KPNA3: variants seen among roughly 807,000 people sequenced by gnomAD.
KPNA3 encodes the protein karyopherin subunit alpha 3.
In KPNA3, 13 loss-of-function variants were observed where a neutral mutation model predicts 73.8. The ratio of observed to expected loss-of-function variants is 0.18; its 90% confidence interval spans 0.11 to 0.28. The LOEUF (loss-of-function observed/expected upper bound fraction) is 0.28. Ranked by LOEUF, KPNA3 falls within the 10% of genes least tolerant of loss-of-function variation. KPNA3 has a pLI of 1.00. For missense variants in KPNA3, 360 were observed against 618.1 expected (o/e 0.58, Z 4.43); for synonymous variants, 186 against 206.9 (o/e 0.90, Z 0.87).
intron 1 of KPNA3, among the ~76,000 whole-genome samples, chr13:49,774,881 A>G (rs1277593065): frequency 6.6e-6 from 1 of 152,138 alleles, no homozygotes; most frequent in East Asian, 1.9e-4. Flanking sequence ...TCGGCCAGGC[A>G]TGGTGGCTCA....
Position 49,706,389 on chromosome 13 carries a change from T to C in KPNA3, c.1033-17A>G. The C allele has an allele frequency of 6.4e-7, 1 of 1,551,668 alleles. No homozygotes were observed. Among genetic ancestry groups the C allele is most frequent in the South Asian group, 1.1e-5 (1 of 88,256 alleles). On this transcript the variant is annotated splice_polypyrimidine_tract_variant and intron_variant, in intron 12 of 16. Transcript: ENST00000261667. ...CACTGCTTCCTATAATTGAACAAAA[T>C]ATAGGGCACCTTTATTTGAAAAATA...
chr13:49,702,003 T>A, intron 16 of KPNA3, 105 bp from the exon 17 acceptor site: 2 of 689,126 alleles, frequency 2.9e-6, no homozygotes, highest in Middle Eastern at 4.1e-4. Flanking sequence ...ATGTGAATGC[T>A]TTAACCAACT....
chr13:49,767,956 T>C (rs1285699197), intron 1 of KPNA3, among the ~76,000 whole-genome samples: 2 of 152,156 alleles, frequency 1.3e-5, no homozygotes, highest in Non-Finnish European at 2.9e-5. Flanking sequence ...AAAATGTACA[T>C]ATCACTATTA....
At chr13:49,791,314 G>C (rs1296313603) in intron 1 of KPNA3, among the ~76,000 whole-genome samples, 1 of 152,290 alleles carries the variant, frequency 6.6e-6, no homozygotes, top group South Asian at 2.1e-4. Context: ...TAGCAAAGAA[G>C]GCTGCGGCCT....
intron 15 of KPNA3, among the ~76,000 whole-genome samples, chr13:49,703,030 G>A (rs775948044): frequency 1.3e-5 from 2 of 151,250 alleles, no homozygotes; most frequent in Non-Finnish European, 2.9e-5. Flanking sequence ...CACCACACCC[G>A]GCTAAGTTTT....
At chr13:49,745,320 C>T (rs1467991167) in intron 2 of KPNA3, among the ~76,000 whole-genome samples, 1 of 151,912 alleles carries the variant, frequency 6.6e-6, no homozygotes, top group Non-Finnish European at 1.5e-5. Context: ...AGAATCAAGA[C>T]CTCCTTCCTT....
In KPNA3 at chr13:49,700,471, CAAAAGCAAT is replaced by C. The variant is rs1381977741; in HGVS notation, c.*1320_*1328del. 1 of 152,484 alleles carries C rather than the reference CAAAAGCAAT, an allele frequency of 6.6e-6. No homozygotes were observed. Among genetic ancestry groups the C allele is most frequent in the Non-Finnish European group, 1.5e-5 (1 of 68,000 alleles). The allele number at this position is 152,484 out of a possible 1,614,324, so 9.4% of individuals were successfully genotyped here. ...TTAATAACTGGGTCAGACAATTTAC[CAAAAGCAAT>C]AACTTGACATAGTAATACCGGATTT... On this transcript the variant is annotated 3_prime_UTR_variant, in exon 17 of 17. Transcript: ENST00000261667.
chr13:49,768,082 A>G (rs1217389410), intron 1 of KPNA3, among the ~76,000 whole-genome samples: 1 of 152,136 alleles, frequency 6.6e-6, no homozygotes, highest in African/African-American at 2.4e-5. Flanking sequence ...GTTTGAGATC[A>G]GCCTGCCCAA....
intron 1 of KPNA3, among the ~76,000 whole-genome samples, chr13:49,780,013 C>T (rs1435132895): frequency 2.0e-5 from 3 of 152,102 alleles, no homozygotes; most frequent in African/African-American, 4.8e-5. Context: ...ATTTTCACCT[C>T]TTCTCCTAAT....
chr13:49,750,255 T>G (rs1439567634), intron 1 of KPNA3, among the ~76,000 whole-genome samples: 2 of 152,198 alleles, frequency 1.3e-5, no homozygotes, highest in African/African-American at 4.8e-5. Flanking sequence ...TTTTTACATT[T>G]TTTAAGTGGT....
intron 6 of KPNA3, among the ~76,000 whole-genome samples, chr13:49,726,363 A>G (rs1051720956): frequency 4.6e-5 from 7 of 152,230 alleles, no homozygotes; most frequent in African/African-American, 1.7e-4. Context: ...TAGCTTTTCA[A>G]AGATGGATTT....
chr13:49,741,456 CT>C (rs1190219673), intron 2 of KPNA3, among the ~76,000 whole-genome samples: 3,349 of 139,484 alleles, frequency 0.024, 98 homozygotes, highest in African/African-American at 0.077. Flanking sequence ...CTCTTTTGCC[CT>C]TTTTTTTTTT....
chr13:49,751,089 A>T (rs1954658905), intron 1 of KPNA3, among the ~76,000 whole-genome samples: 1 of 152,212 alleles, frequency 6.6e-6, no homozygotes, highest in Non-Finnish European at 1.5e-5. Context: ...CTCCCAAAAG[A>T]ATTAAAATAT....
intron 1 of KPNA3, among the ~76,000 whole-genome samples, chr13:49,771,525 C>T (rs1175552373): frequency 6.6e-6 from 1 of 152,156 alleles, no homozygotes; most frequent in African/African-American, 2.4e-5. Flanking sequence ...GCGCAATCAC[C>T]ATTCACTGCA....
At chr13:49,733,669 G>A (rs188617242) in intron 2 of KPNA3, among the ~76,000 whole-genome samples, 56 of 152,268 alleles carry the variant, frequency 3.7e-4, no homozygotes, top group Admixed American at 1.4e-3. Context: ...ATCCAGTCCC[G>A]CACTGACTGT....
At chr13:49,784,149 T>C (rs567664704) in intron 1 of KPNA3, among the ~76,000 whole-genome samples, 1 of 152,256 alleles carries the variant, frequency 6.6e-6, no homozygotes, top group Non-Finnish European at 1.5e-5. Flanking sequence ...CTCAAGACGC[T>C]GAGGCAGGAG....
intron 1 of KPNA3, among the ~76,000 whole-genome samples, chr13:49,758,020 G>C (rs1954726225): frequency 6.6e-6 from 1 of 151,840 alleles, no homozygotes; most frequent in Non-Finnish European, 1.5e-5. Flanking sequence ...AAATTTTAAA[G>C]GATATACATC....
At chr13:49,762,353 G>A (rs137855018) in intron 1 of KPNA3, among the ~76,000 whole-genome samples, 3,768 of 152,278 alleles carry the variant, frequency 0.025, 67 homozygotes, top group African/African-American at 0.039. Context: ...CCACCACTCC[G>A]TCTGGGAAGT....
chr13:49,781,978 G>A (rs1479645685), intron 1 of KPNA3, among the ~76,000 whole-genome samples: 1 of 152,176 alleles, frequency 6.6e-6, no homozygotes, highest in Non-Finnish European at 1.5e-5. Flanking sequence ...TAGCCGGCAG[G>A]AATTAACGGA....
Sources: allele counts gnomAD v4.1 joint callset (sites outside exome capture counted in the v4.1 genomes callset), GRCh38; gene constraint gnomAD v4.1.1; transcripts MANE v1.5; gene names NCBI Gene and HGNC (gene_info 2026-07-23, HGNC 2026-07-21).